The following ATP9B variants were observed in gnomAD, a reference collection of about 807,000 sequenced individuals.
ATP9B encodes probable phospholipid-transporting ATPase IIB.
A neutral mutation model predicts 146.1 loss-of-function variants in ATP9B; 110 were observed. The observed-to-expected ratio is 0.75, with a 90% CI of 0.65 to 0.88. The LOEUF (loss-of-function observed/expected upper bound fraction) is 0.88. ATP9B is among the 40% of genes least tolerant of loss of function. The pLI is 0.00. For missense variants in ATP9B, 1,499 were observed against 1,496.4 expected (o/e 1.00, Z -0.03); for synonymous variants, 604 against 569.7 (o/e 1.06, Z -0.86).
intron 8 of ATP9B, among the ~76,000 whole-genome samples, chr18:79,189,870 GTAT>G: frequency 1.3e-5 from 2 of 152,292 alleles, no homozygotes; most frequent in Non-Finnish European, 2.9e-5. Flanking sequence ...TGGTCCCGTG[GTAT>G]TATTCAAGGT....
In ATP9B at chr18:79,160,379, T is replaced by G. The variant is rs7226965; in HGVS notation, c.778+5824T>G. Among the ~76,000 whole-genome samples the G allele has an allele frequency of 8.8e-3, 1,340 of 152,368 alleles. 25 individuals are homozygous for G. Among genetic ancestry groups the G allele is most frequent in the African/African-American group, 0.03 (1,262 of 41,578 alleles). On this transcript the variant is annotated intron_variant, in intron 7 of 29. Coordinates refer to ENST00000426216, the MANE Select transcript of ATP9B (RefSeq NM_198531.5). ...ACACAGAAGTATATTTTCAGAGGTT[T>G]TTATACTGCCATCCCTGCTTACTTC...
At chr18:79,285,019 A>T (rs1163578093) in intron 13 of ATP9B, among the ~76,000 whole-genome samples, 1 of 151,910 alleles carries the variant, frequency 6.6e-6, no homozygotes, top group East Asian at 1.9e-4. Context: ...CCAGTCTATC[A>T]TTGTTGGACA....
chr18:79,326,876 C>T (rs981733428), intron 15 of ATP9B, among the ~76,000 whole-genome samples: 4 of 151,648 alleles, frequency 2.6e-5, no homozygotes, highest in African/African-American at 9.7e-5. Flanking sequence ...GCTGACTGTC[C>T]ACTGTGCTGA....
At chr18:79,290,409 C>G (rs1284138590) in intron 13 of ATP9B, among the ~76,000 whole-genome samples, 4 of 152,196 alleles carry the variant, frequency 2.6e-5, no homozygotes, top group Admixed American at 6.5e-5. Context: ...TGGGGTAGGA[C>G]CCTCCGAGCC....
In ATP9B at chr18:79,375,401, CAG is replaced by C. The variant is rs763297727; in HGVS notation, c.3285_3286del (p.Arg1095SerfsTer146). On this transcript the variant is annotated frameshift_variant, in exon 29 of 30. Transcript: ENST00000426216. LOFTEE classifies it high-confidence loss of function. ...ATTACTGTTTTGGAACAGGTATAGG[CAG>C]AGTGTCTTTTGGAGCTTTCTTAGGT... ...AFLNEYFGIGRVSFGAFLDVA... is the reference protein window; with the variant it reads ...AFLNEYFGIGXVSFGAFLDVA... 2 of 1,612,440 alleles carry C rather than the reference CAG, an allele frequency of 1.2e-6. No individual in the cohort carries two copies. The highest frequency in any genetic ancestry group is 4.5e-5 in the East Asian group (2 of 44,872).
At chr18:79,214,610 G>T (rs886569531) in intron 11 of ATP9B, among the ~76,000 whole-genome samples, 10 of 152,152 alleles carry the variant, frequency 6.6e-5, no homozygotes, top group African/African-American at 2.4e-4. Flanking sequence ...CTCAGTAGTT[G>T]CTATCATCAT....
intron 3 of ATP9B, among the ~76,000 whole-genome samples, chr18:79,112,895 C>CT (rs2093999290): frequency 6.6e-6 from 1 of 151,984 alleles, no homozygotes. Context: ...TGCTATCTAA[C>CT]TTTTTTTCAT....
At chr18:79,310,843 C>A (rs868498929) in intron 15 of ATP9B, among the ~76,000 whole-genome samples, 1 of 152,156 alleles carries the variant, frequency 6.6e-6, no homozygotes, top group African/African-American at 2.4e-5. Flanking sequence ...CACGCTAGCA[C>A]CCCCATTACA....
At chr18:79,285,931 T>A (rs201268426) in intron 13 of ATP9B, among the ~76,000 whole-genome samples, 64,343 of 147,886 alleles carry the variant, frequency 0.44, 14,166 homozygotes, top group Middle Eastern at 0.56. Context: ...TAGTTGTAGA[T>A]ATGCGGCATT....
chr18:79,104,700 T>C (rs922444549), intron 2 of ATP9B, among the ~76,000 whole-genome samples: 2 of 152,042 alleles, frequency 1.3e-5, no homozygotes, highest in African/African-American at 4.8e-5. Flanking sequence ...TTTGCGGGAG[T>C]TAAAACAGCT....
intron 17 of ATP9B, among the ~76,000 whole-genome samples, chr18:79,331,765 A>T (rs996138963): frequency 6.6e-6 from 1 of 152,202 alleles, no homozygotes; most frequent in Non-Finnish European, 1.5e-5. Flanking sequence ...CAGTTTATGC[A>T]AACCTGAGAT....
rs555592855 is a variant in ATP9B at position 79,268,091 on chromosome 18, A to G, written c.1269-8963A>G. ...CTGGATTAAGCAGTTTCTCATTATA[A>G]AGGGACTTTCTTTATCTCTACTAAA... is the stretch of plus-strand genomic sequence containing the variant. On this transcript the variant is annotated intron_variant, in intron 12 of 29. Transcript: ENST00000426216. 2.6e-5 allele frequency among the ~76,000 whole-genome samples: 4 copies of G among 152,266 alleles called. No homozygotes were observed. In the South Asian group the frequency reaches 6.2e-4, roughly 24 times the overall value.
At chr18:79,276,947 G>T in intron 12 of ATP9B, 107 bp from the exon 13 acceptor site, 1 of 1,501,684 alleles carries the variant, frequency 6.7e-7, no homozygotes, top group East Asian at 2.3e-5. Flanking sequence ...TTGGACATGG[G>T]TCTGGATCAC....
chr18:79,172,733 C>T (rs2095098108), intron 7 of ATP9B, among the ~76,000 whole-genome samples: 1 of 152,276 alleles, frequency 6.6e-6, no homozygotes, highest in Non-Finnish European at 1.5e-5. Context: ...TTACTGCTAA[C>T]TAGGATTTCA....
intron 4 of ATP9B, among the ~76,000 whole-genome samples, chr18:79,125,538 C>G (rs2094270132): frequency 6.6e-6 from 1 of 152,120 alleles, no homozygotes; most frequent in Admixed American, 6.5e-5. Context: ...CTGTTATTTA[C>G]AGTTTTGACT....
At chr18:79,112,514 A>G (rs1458087789) in intron 3 of ATP9B, among the ~76,000 whole-genome samples, 1 of 152,152 alleles carries the variant, frequency 6.6e-6, no homozygotes, top group Non-Finnish European at 1.5e-5. Flanking sequence ...AATTTCTTTT[A>G]TATTTGAAAA....
intron 7 of ATP9B, among the ~76,000 whole-genome samples, chr18:79,161,714 C>T (rs886166414): frequency 2.0e-5 from 3 of 151,986 alleles, no homozygotes; most frequent in South Asian, 2.1e-4. Context: ...GGCGTGGTGG[C>T]GGGCGCCTAT....
intron 9 of ATP9B, among the ~76,000 whole-genome samples, chr18:79,200,236 A>G (rs563793924): frequency 6.6e-6 from 1 of 152,102 alleles, no homozygotes; most frequent in Non-Finnish European, 1.5e-5. Flanking sequence ...TTATACTTTG[A>G]TGGGGCTACT....
intron 7 of ATP9B, among the ~76,000 whole-genome samples, chr18:79,158,194 C>T (rs763882571): frequency 6.6e-6 from 1 of 152,150 alleles, no homozygotes; most frequent in Non-Finnish European, 1.5e-5. Flanking sequence ...TTTGGCCATA[C>T]ATCTCAAAAT....
Sources: allele counts gnomAD v4.1 joint callset (sites outside exome capture counted in the v4.1 genomes callset), GRCh38; gene constraint gnomAD v4.1.1; transcripts MANE v1.5; gene names NCBI Gene and HGNC (gene_info 2026-07-23, HGNC 2026-07-21).